VPS54: variants seen among roughly 807,000 people sequenced by gnomAD.
VPS54 encodes vacuolar protein sorting-associated protein 54.
A neutral mutation model predicts 121.5 loss-of-function variants in VPS54; 45 were observed. The ratio of observed to expected loss-of-function variants is 0.37; its 90% CI spans 0.29 to 0.47. The LOEUF (loss-of-function observed/expected upper bound fraction) is 0.47. Ranked by LOEUF, VPS54 falls within the 20% of genes least tolerant of loss-of-function variation. The pLI, the probability that VPS54 is intolerant of heterozygous loss-of-function variation, is 0.99. For synonymous variants in VPS54, 371 were observed against 385.8 expected, an observed-to-expected ratio of 0.96 and a Z score of 0.45; for missense variants, 1,090 against 1,131.4, an observed-to-expected ratio of 0.96 and a Z score of 0.52.
intron 3 of VPS54, among the ~76,000 whole-genome samples, chr2:63,978,267 G>A (rs1676639049): frequency 6.6e-6 from 1 of 152,194 alleles, no homozygotes; most frequent in Non-Finnish European, 1.5e-5. Context: ...CAAAGGGGTT[G>A]TAGCACTTTA....
chr2:63,992,988 G>A (rs1288974573), intron 1 of VPS54, among the ~76,000 whole-genome samples: 4 of 152,144 alleles, frequency 2.6e-5, no homozygotes, highest in Admixed American at 6.5e-5. Context: ...TCACCAGTTC[G>A]AGCCCAGTTT....
rs1447205786 is a variant in VPS54 at position 64,016,672 on chromosome 2, T to C, written c.-21+2266A>G. Among the ~76,000 whole-genome samples, 10 of 151,486 alleles carry C rather than the reference T, an allele frequency of 6.6e-5. No homozygotes were observed. The East Asian group carries it at 1.4e-3, about 21-fold the overall frequency. On this transcript the variant is annotated intron_variant, in intron 1 of 22. Coordinates refer to ENST00000272322, the MANE Select transcript of VPS54 (RefSeq NM_016516.3). ...CACCCAGCCTGTAGTGCAGTGGTGCTATCTTGGCTCACTGCAACCTCCACC... is the reference window on the plus strand; with the variant it reads ...CACCCAGCCTGTAGTGCAGTGGTGCCATCTTGGCTCACTGCAACCTCCACC...
intron 12 of VPS54, among the ~76,000 whole-genome samples, chr2:63,925,682 T>C (rs963422829): frequency 3.3e-5 from 5 of 152,214 alleles, no homozygotes; most frequent in Non-Finnish European, 5.9e-5. Flanking sequence ...CTGCTACATG[T>C]AACAACCTGG....
At position 63,892,753 on chromosome 2, in the gene VPS54, TAAAA is replaced by T. The variant is rs34122445; in HGVS notation, c.*673_*676del. ...TCTTTTTTTTTAAGTATTAATTACT[TAAAA>T]AAAGGCTTAAGTCTTTCAGGTATTT... On this transcript the variant is annotated 3_prime_UTR_variant, in exon 23 of 23. Coordinates refer to ENST00000272322, the MANE Select transcript of VPS54 (RefSeq NM_016516.3). The T allele has an allele frequency of 1.3e-4, 20 of 152,446 alleles. No homozygotes were observed. The highest frequency in any genetic ancestry group is 3.6e-4 in the African/African-American group (15 of 41,490). 9.4% of individuals were successfully genotyped at this position (152,446 alleles called of 1,614,324 possible). A position where few individuals can be genotyped will look rare whatever the true frequency, so the allele number is the denominator to read the frequency against.
intron 7 of VPS54, among the ~76,000 whole-genome samples, chr2:63,956,201 G>A (rs1365043974): frequency 6.6e-6 from 1 of 152,068 alleles, no homozygotes; most frequent in Non-Finnish European, 1.5e-5. Flanking sequence ...CAATGTGGAT[G>A]TTTTCTTACT....
At chr2:63,973,409 C>T (rs538686912) in intron 3 of VPS54, among the ~76,000 whole-genome samples, 1 of 152,260 alleles carries the variant, frequency 6.6e-6, no homozygotes, top group East Asian at 1.9e-4. Flanking sequence ...AAATTATTTG[C>T]TATGTTGACC....
chr2:64,002,817 A>G lies in VPS54; in HGVS notation c.-21+16121T>C, dbSNP rs1677948866. Among the ~76,000 whole-genome samples, 3 of 152,232 alleles carry G rather than the reference A, an allele frequency of 2.0e-5. No homozygotes were observed. The South Asian group carries it at 6.2e-4, about 31-fold the overall frequency. Reference sequence around the variant, plus strand: ...AAGATCTCTAGTAAAAGGGGATTACATAAAACTAGTGGACTGCCTATAAAG... The same window carrying G: ...AAGATCTCTAGTAAAAGGGGATTACGTAAAACTAGTGGACTGCCTATAAAG... On this transcript the variant is annotated intron_variant, in intron 1 of 22. Transcript: ENST00000272322.
chr2:63,925,396 T>C (rs947211404), intron 12 of VPS54, among the ~76,000 whole-genome samples: 1 of 152,228 alleles, frequency 6.6e-6, no homozygotes, highest in Non-Finnish European at 1.5e-5. Flanking sequence ...AAGGAAGATG[T>C]GGAGTGACAC....
chr2:63,993,101 T>G (rs1677405179), intron 1 of VPS54, among the ~76,000 whole-genome samples: 1 of 152,152 alleles, frequency 6.6e-6, no homozygotes, highest in Non-Finnish European at 1.5e-5. Flanking sequence ...AGAGGCTGGA[T>G]TACACATCGC....
At chr2:63,950,589 T>G (rs1318514628) in intron 7 of VPS54, among the ~76,000 whole-genome samples, 1 of 152,204 alleles carries the variant, frequency 6.6e-6, no homozygotes, top group Non-Finnish European at 1.5e-5. Context: ...TCTTTTGTTG[T>G]ATAAGCAGAA....
chr2:63,975,217 G>C (rs1676468799), intron 3 of VPS54: 3 of 531,584 alleles, frequency 5.6e-6, no homozygotes, highest in African/African-American at 1.9e-5. Context: ...GACAGTGAAA[G>C]AGATCTGACC....
intron 2 of VPS54, 145 bp from the exon 3 acceptor site, chr2:63,982,032 A>G (rs1392161551): frequency 2.6e-5 from 23 of 879,318 alleles, no homozygotes; most frequent in Non-Finnish European, 3.5e-5. Context: ...ATAAAAATCA[A>G]TCTGATTGAA....
intron 7 of VPS54, among the ~76,000 whole-genome samples, chr2:63,951,255 T>G (rs571027389): frequency 1.3e-4 from 18 of 143,172 alleles, no homozygotes; most frequent in Admixed American, 3.6e-4. Flanking sequence ...ACTGCAGACC[T>G]CAATCTACTA....
intron 20 of VPS54, among the ~76,000 whole-genome samples, chr2:63,906,723 C>A (rs1051891158): frequency 5.3e-5 from 8 of 152,140 alleles, no homozygotes; most frequent in Non-Finnish European, 1.0e-4. Flanking sequence ...GGCTCTGGTA[C>A]AAAACTGGAT....
intron 12 of VPS54, among the ~76,000 whole-genome samples, chr2:63,924,871 GA>G (rs1466887872): frequency 6.6e-6 from 1 of 152,014 alleles, no homozygotes; most frequent in Non-Finnish European, 1.5e-5. Context: ...ATCCATATGG[GA>G]AAAAAATCTT....
chr2:63,897,500 T>G lies in VPS54; in HGVS notation c.2824A>C (p.Asn942His). 6.3e-7 allele frequency: 1 copy of G among 1,588,648 alleles called. No individual in the cohort carries two copies. The highest frequency in any genetic ancestry group is 1.4e-5 in the African/African-American group (1 of 74,058). The change falls in exon 22 of 23, where the codon AAT (asparagine) becomes CAT (histidine). Residue 942 changes from asparagine to histidine, a missense_variant. Physicochemically the swap from Asn to His is moderately conservative, Grantham distance 68. Coordinates refer to ENST00000272322, the MANE Select transcript of VPS54 (RefSeq NM_016516.3). The part of the protein sequence containing the change: ...LNVINDGGPQ[N>H]GLVTADVAFY... ...TGAAAACGTTAAAAAACATACCCAT[T>G]TTGAGGTCCTCCATCATTTATCACA...
At chr2:63,941,428 T>C (rs981470831) in intron 11 of VPS54, among the ~76,000 whole-genome samples, 3 of 152,186 alleles carry the variant, frequency 2.0e-5, no homozygotes, top group East Asian at 1.9e-4. Context: ...GGTCTCATTA[T>C]GTTGCCCAAG....
chr2:63,914,284 G>A lies in VPS54; in HGVS notation c.2232C>T (p.Thr744=), dbSNP rs747109423. ...VEGQQYAVVG[T]VLLLIRIILE... ...GGATAATTCTTATTAACAGCAATAC[G>A]GTTCTACAAGAAAAGAAAAATGGCC... The change falls in exon 17 of 23, where the codon ACC becomes ACT. Residue 744 remains threonine, a synonymous_variant. Transcript: ENST00000272322. 1.3e-5 allele frequency: 20 copies of A among 1,593,402 alleles called. No homozygotes were observed. In the African/African-American group the frequency reaches 1.4e-4, roughly 11 times the overall value.
intron 1 of VPS54, among the ~76,000 whole-genome samples, chr2:64,014,518 C>CAGA (rs1431237452): frequency 2.0e-5 from 3 of 151,622 alleles, no homozygotes; most frequent in Non-Finnish European, 4.4e-5. Flanking sequence ...TAAGGAGTTT[C>CAGA]AGATTATAGT....
Sources: allele counts gnomAD v4.1 joint callset (sites outside exome capture counted in the v4.1 genomes callset), GRCh38; gene constraint gnomAD v4.1.1; transcripts MANE v1.5; gene names NCBI Gene and HGNC (gene_info 2026-07-23, HGNC 2026-07-21).